The following PRKN variants were observed in gnomAD, a reference collection of about 807,000 sequenced individuals.
PRKN encodes E3 ubiquitin-protein ligase parkin.
A neutral mutation model predicts 59.5 loss-of-function variants in PRKN; 56 were observed. That is an observed-to-expected ratio of 0.94 (90% CI 0.76 to 1.18). The LOEUF (loss-of-function observed/expected upper bound fraction) is 1.18, where lower values mean the gene tolerates loss of function less well. Among genes scored for constraint, PRKN ranks in the 50% most tolerant of loss-of-function variants. The probability of loss-of-function intolerance (pLI) is 0.00; values close to 1 mark genes in which losing one functional copy is unlikely to be tolerated. For missense variants in PRKN, 657 were observed against 596.4 expected (o/e 1.10, Z -1.06); for synonymous variants, 250 against 222.1 (o/e 1.13, Z -1.12).
intron 1 of PRKN, among the ~76,000 whole-genome samples, chr6:162,530,528 T>A (rs1041710351): frequency 6.6e-6 from 1 of 152,110 alleles, no homozygotes; most frequent in Non-Finnish European, 1.5e-5. Context: ...AATATTTAAA[T>A]CTCCAGTCTC....
At chr6:161,752,236 A>T (rs1348997221) in intron 7 of PRKN, among the ~76,000 whole-genome samples, 1 of 151,942 alleles carries the variant, frequency 6.6e-6, no homozygotes, top group East Asian at 1.9e-4. Context: ...TGGGTGTGAT[A>T]GCACGTGCCT....
At chr6:162,491,408 T>A (rs752449764) in intron 1 of PRKN, among the ~76,000 whole-genome samples, 7 of 152,042 alleles carry the variant, frequency 4.6e-5, no homozygotes, top group African/African-American at 7.2e-5. Context: ...CTTCACTGGG[T>A]CTCCAGGGCC....
rs772044719 is a variant in PRKN, at chr6:161,419,283, G to A, written c.1084-32406C>T. Among the ~76,000 whole-genome samples the A allele has an allele frequency of 3.3e-5, 5 of 152,136 alleles. No individual in the cohort carries two copies. Among genetic ancestry groups the A allele is most frequent in the African/African-American group, 9.7e-5 (4 of 41,414 alleles). ...TTAAAGAGGACAGTGAGGTCCCTGC[G>A]CCACAGTGGTAGAAAGTGACCAACT... On this transcript the variant is annotated intron_variant, in intron 9 of 11. Coordinates refer to ENST00000366898, the MANE Select transcript of PRKN (RefSeq NM_004562.3). This position sits in a 1 kb window ranked among gnomAD's most constrained non-coding sequence, Gnocchi z 4.1.
intron 6 of PRKN, among the ~76,000 whole-genome samples, chr6:161,858,858 C>CTTTTTTGTTTT (rs1793765910): frequency 1.4e-5 from 1 of 71,934 alleles, no homozygotes; most frequent in Non-Finnish European, 2.7e-5. Context: ...CACAGCTGTA[C>CTTTTTTGTTTT]TTTTTTTTTT....
At chr6:161,712,730 T>C (rs1489997205) in intron 7 of PRKN, among the ~76,000 whole-genome samples, 1 of 152,192 alleles carries the variant, frequency 6.6e-6, no homozygotes, top group Admixed American at 6.5e-5. Context: ...TATATAAATG[T>C]CATGACTATC....
Position 162,042,964 on chromosome 6 carries a change from T to C in PRKN, c.618+11127A>G, listed in dbSNP as rs567149351. Among the ~76,000 whole-genome samples, 289 of 152,268 alleles carry C rather than the reference T, an allele frequency of 1.9e-3. 2 individuals carry two copies. Among genetic ancestry groups the C allele is most frequent in the African/African-American group, 6.9e-3 (285 of 41,566 alleles). Reference sequence around the variant, plus strand: ...CATTTGCATGCTGCTGAAAAAGACATACCCAAAAACAGGAAGAAAAAGAGG... The same window carrying C: ...CATTTGCATGCTGCTGAAAAAGACACACCCAAAAACAGGAAGAAAAAGAGG... On this transcript the variant is annotated intron_variant, in intron 5 of 11. Coordinates refer to ENST00000366898, the MANE Select transcript of PRKN (RefSeq NM_004562.3).
rs189356956 is a variant in PRKN at position 161,508,750 on chromosome 6, G to A, written c.1083+40104C>T. ...TTGAATCATTTCCAATTTATCTGTAGCCTACTTTTTTTCCCCCTCAATTAA... is the reference window on the plus strand; with the variant it reads ...TTGAATCATTTCCAATTTATCTGTAACCTACTTTTTTTCCCCCTCAATTAA... On this transcript the variant is annotated intron_variant, in intron 9 of 11. Transcript: ENST00000366898. 6.6e-5 allele frequency among the ~76,000 whole-genome samples: 10 copies of A among 150,572 alleles called. No individual in the cohort carries two copies. The East Asian group carries it at 1.9e-3, about 29-fold the overall frequency.
chr6:162,073,299 G>A (rs1440050931), intron 4 of PRKN, among the ~76,000 whole-genome samples: 1 of 152,168 alleles, frequency 6.6e-6, no homozygotes, highest in African/African-American at 2.4e-5. Context: ...GCTGCTGTTG[G>A]CCTCAGCGTT....
chr6:162,436,812 C>T (rs902709538), intron 2 of PRKN, among the ~76,000 whole-genome samples: 1 of 148,432 alleles, frequency 6.7e-6, no homozygotes, highest in East Asian at 2.0e-4. Flanking sequence ...AAGAAAGAGG[C>T]CAGGAGTGGT....
intron 1 of PRKN, among the ~76,000 whole-genome samples, chr6:162,650,215 C>T (rs988789811): frequency 2.0e-5 from 3 of 152,134 alleles, no homozygotes; most frequent in South Asian, 2.1e-4. Context: ...TGCTAGGAGA[C>T]GAGAGTGAAG....
chr6:162,452,899 C>G (rs550718656), intron 1 of PRKN, among the ~76,000 whole-genome samples: 1 of 139,332 alleles, frequency 7.2e-6, no homozygotes, highest in Non-Finnish European at 1.5e-5. Context: ...ATAAAAAATA[C>G]GCCAAGTAAA....
At position 161,371,968 on chromosome 6, in the gene PRKN, CAG is replaced by C. The variant is rs1303581131; in HGVS notation, c.1168-11765_1168-11764del. Among the ~76,000 whole-genome samples, 3 of 152,172 alleles carry C rather than the reference CAG, an allele frequency of 2.0e-5. No homozygotes were observed. The highest frequency in any genetic ancestry group is 7.2e-5 in the African/African-American group (3 of 41,444). The stretch of plus-strand genomic sequence containing the variant: ...AGGGCATTTTTGACAATGATTCTAA[CAG>C]TGGTGATTTCTGCTAGGAGTGGAAT... On this transcript the variant is annotated intron_variant, in intron 10 of 11. Coordinates refer to ENST00000366898, the MANE Select transcript of PRKN (RefSeq NM_004562.3). The surrounding 1 kb of genome is among the most constrained non-coding windows in gnomAD (Gnocchi z 5.5).
intron 6 of PRKN, among the ~76,000 whole-genome samples, chr6:161,900,436 T>C (rs1016822432): frequency 7.0e-6 from 1 of 143,520 alleles, no homozygotes; most frequent in African/African-American, 2.6e-5. Context: ...AAATAATATA[T>C]ATTTTTATAT....
chr6:161,839,825 G>T (rs1162889375), intron 6 of PRKN, among the ~76,000 whole-genome samples: 1 of 152,152 alleles, frequency 6.6e-6, no homozygotes, highest in African/African-American at 2.4e-5. Context: ...CAAATCAGAA[G>T]GCACATACCC....
intron 8 of PRKN, among the ~76,000 whole-genome samples, chr6:161,565,718 T>G (rs1004726863): frequency 1.3e-5 from 2 of 152,276 alleles, no homozygotes; most frequent in African/African-American, 4.8e-5. Flanking sequence ...TCTCAGGCAT[T>G]TACTTATAGC....
chr6:161,802,451 A>C (rs1235003414), intron 6 of PRKN, among the ~76,000 whole-genome samples: 5 of 142,976 alleles, frequency 3.5e-5, no homozygotes, highest in South Asian at 2.3e-4. Context: ...CCACACACAC[A>C]CCCCACATAT....
At chr6:161,752,193 A>AT (rs1788724502) in intron 7 of PRKN, among the ~76,000 whole-genome samples, 1 of 151,726 alleles carries the variant, frequency 6.6e-6, no homozygotes, top group African/African-American at 2.4e-5. Context: ...AACGTGGTGA[A>AT]ACCCTGTCTC....
At chr6:162,694,359 AACTGTG>A (rs1777896146) in intron 1 of PRKN, among the ~76,000 whole-genome samples, 1 of 152,154 alleles carries the variant, frequency 6.6e-6, no homozygotes, top group South Asian at 2.1e-4. Flanking sequence ...TAGCAGTGAT[AACTGTG>A]GCAATCCAGC....
At chr6:162,100,613 T>A (rs1374991289) in intron 4 of PRKN, among the ~76,000 whole-genome samples, 4 of 152,008 alleles carry the variant, frequency 2.6e-5, no homozygotes, top group Non-Finnish European at 4.4e-5. Context: ...AGATAACTTT[T>A]GTATTTTTAG....
Sources: allele counts gnomAD v4.1 joint callset (sites outside exome capture counted in the v4.1 genomes callset), GRCh38; gene constraint gnomAD v4.1.1; non-coding constraint Gnocchi (gnomAD v3.1); transcripts MANE v1.5; gene names NCBI Gene and HGNC (gene_info 2026-07-23, HGNC 2026-07-21).